KNTC1: variants seen among roughly 807,000 people sequenced by gnomAD.
KNTC1 encodes the protein kinetochore-associated protein 1.
Under a neutral mutation model 314.4 loss-of-function variants are expected in KNTC1, and 253 were observed. That is an observed-to-expected ratio of 0.80 (90% CI 0.73 to 0.89). The LOEUF (loss-of-function observed/expected upper bound fraction) is 0.89. KNTC1 is among the 40% of genes least tolerant of loss of function. The pLI is 0.00. For missense variants in KNTC1, 2,475 were observed against 2,572.9 expected (o/e 0.96, Z 0.82); for synonymous variants, 901 against 901.4 (o/e 1.00, Z 0.01).
At chr12:122,530,237 G>A (rs148937892) in intron 2 of KNTC1, 45 bp downstream of exon 2, 38,578 of 1,581,240 alleles carry the variant, frequency 0.024, 680 homozygotes, top group Middle Eastern at 0.032. Context: ...AATTTTTACT[G>A]AGTGCTTAGT....
intron 48 of KNTC1, among the ~76,000 whole-genome samples, chr12:122,604,272 G>C (rs982519490): frequency 1.3e-5 from 2 of 148,486 alleles, no homozygotes; most frequent in African/African-American, 5.0e-5. Flanking sequence ...TCAGCCTCTC[G>C]AGTAGCTGGG....
At chr12:122,601,207 C>T (rs11058904) in intron 44 of KNTC1, among the ~76,000 whole-genome samples, 30,150 of 151,956 alleles carry the variant, frequency 0.2, 3,436 homozygotes, top group East Asian at 0.46. Context: ...CTCAGCCTCC[C>T]GAGTAGCTGG....
At chr12:122,556,204 G>A (rs1963579940) in intron 16 of KNTC1, among the ~76,000 whole-genome samples, 1 of 151,076 alleles carries the variant, frequency 6.6e-6, no homozygotes, top group Admixed American at 6.6e-5. Context: ...TTTTAGTAGA[G>A]ACGGGGTTTT....
At chr12:122,562,046 G>T in intron 19 of KNTC1, 72 bp downstream of exon 19, 1 of 1,432,890 alleles carries the variant, frequency 7.0e-7, no homozygotes, top group South Asian at 1.3e-5. Context: ...ATTCAAAATA[G>T]ACCCGTATTT....
intron 59 of KNTC1, 136 bp from the exon 60 acceptor site, chr12:122,620,343 A>G: frequency 1.5e-6 from 1 of 671,108 alleles, no homozygotes; most frequent in Admixed American, 2.9e-5. Flanking sequence ...ATTCCTAAGC[A>G]TATGTCATGC....
chr12:122,583,229 G>T (rs1868704939), intron 34 of KNTC1, among the ~76,000 whole-genome samples: 1 of 150,474 alleles, frequency 6.6e-6, no homozygotes, highest in Admixed American at 6.6e-5. Flanking sequence ...GATCGTGGCG[G>T]GTTGCAGTGA....
chr12:122,582,675 G>C (rs760824776), intron 33 of KNTC1, 30 bp from the exon 34 acceptor site: 1 of 1,541,100 alleles, frequency 6.5e-7, no homozygotes, highest in Non-Finnish European at 8.8e-7. Context: ...AAACAGACTT[G>C]GGACTTTGTC....
intron 44 of KNTC1, among the ~76,000 whole-genome samples, chr12:122,598,720 G>A (rs1871402794): frequency 6.6e-6 from 1 of 151,936 alleles, no homozygotes; most frequent in Admixed American, 6.6e-5. Flanking sequence ...GAGGCCCAGT[G>A]AACCGTCATT....
chr12:122,577,607 G>T (rs1240965045), intron 30 of KNTC1, 65 bp from the exon 31 acceptor site: 1 of 1,475,658 alleles, frequency 6.8e-7, no homozygotes, highest in Non-Finnish European at 9.1e-7. Flanking sequence ...AAAAGAAAGA[G>T]GTAAGGCCAC....
chr12:122,566,635 C>G (rs1325176329), intron 20 of KNTC1, among the ~76,000 whole-genome samples: 2 of 152,002 alleles, frequency 1.3e-5, no homozygotes, highest in Non-Finnish European at 2.9e-5. Flanking sequence ...GTTTCAAACT[C>G]CTGACCTCAA....
chr12:122,625,820 A>ATTTTTTAT (rs1302241389), intron 63 of KNTC1, among the ~76,000 whole-genome samples: 4 of 151,996 alleles, frequency 2.6e-5, no homozygotes, highest in African/African-American at 7.2e-5. Flanking sequence ...TGGTAGCTTT[A>ATTTTTTAT]TTTTTTATTT....
At chr12:122,552,353 G>C (rs1185904690) in intron 16 of KNTC1, among the ~76,000 whole-genome samples, 1 of 152,008 alleles carries the variant, frequency 6.6e-6, no homozygotes, top group East Asian at 1.9e-4. Context: ...AGGTTATATG[G>C]GCAGCAGAGT....
chr12:122,615,065 A>G lies in KNTC1; in HGVS notation c.5952A>G (p.Gln1984=), dbSNP rs1873622497. The change falls in exon 56 of 64, where the codon CAA becomes CAG. Residue 1984 remains glutamine (Q), a synonymous_variant. Coordinates refer to ENST00000333479, the MANE Select transcript of KNTC1 (RefSeq NM_014708.6). ...TGCAGCTTTGGAATGGACTCTTGCA[A>G]AAGCTTCTGGGCTTCAATATGGTAA... ...YDLQLWNGLL[Q]KLLGFNMIPY... The G allele has an allele frequency of 6.2e-7, 1 of 1,612,824 alleles. No individual in the cohort carries two copies. The highest frequency in any genetic ancestry group is 1.7e-5 in the Admixed American group (1 of 59,938).
At chr12:122,549,943 C>A in intron 13 of KNTC1, 79 bp downstream of exon 13, 1 of 764,338 alleles carries the variant, frequency 1.3e-6, no homozygotes, top group Non-Finnish European at 2.1e-6. Flanking sequence ...TGATTAAAAG[C>A]CTTAATAATT....
chr12:122,615,493 A>G lies in KNTC1; in HGVS notation c.5997A>G (p.Leu1999=). Residue 1999 remains leucine (L), a synonymous_variant, in exon 57 of 64, where the codon TTA becomes TTG. Coordinates refer to ENST00000333479, the MANE Select transcript of KNTC1 (RefSeq NM_014708.6). ...AGATTCCTTATCTAAGGAAAGTTTT[A>G]AAAGCCATCTCCAGTATCCATTCTT... The part of the protein sequence containing the change: ...FNMIPYLRKV[L]KAISSIHSLW... 1 of 1,528,314 alleles carries G rather than the reference A, an allele frequency of 6.5e-7. No homozygotes were observed. Among genetic ancestry groups the G allele is most frequent in the East Asian group, 2.5e-5 (1 of 40,654 alleles). 94.7% of individuals were successfully genotyped at this position (1,528,314 alleles called of 1,614,324 possible).
Position 122,585,637 on chromosome 12 carries a change from C to G in KNTC1, c.3536C>G (p.Ala1179Gly), listed in dbSNP as rs1376668602. 1 of 1,613,704 alleles carries G rather than the reference C, an allele frequency of 6.2e-7. No homozygotes were observed. Among genetic ancestry groups the G allele is most frequent in the Non-Finnish European group, 8.5e-7 (1 of 1,179,776 alleles). ...QMDDCGILMKASFGTHKDPYE... is the reference protein window; with the variant it reads ...QMDDCGILMKGSFGTHKDPYE... ...TTTTTTGTATGATTTGGCACCTAGGCTTCTTTTGGGACACATAAAGATCCA... is the reference window on the plus strand; with the variant it reads ...TTTTTTGTATGATTTGGCACCTAGGGTTCTTTTGGGACACATAAAGATCCA... Residue 1179 changes from alanine to glycine, a missense_variant and splice_region_variant, in exon 37 of 64, where the codon GCT becomes GGT. Physicochemically the swap from Ala to Gly is moderately conservative, Grantham distance 60 (BLOSUM62 0). Transcript: ENST00000333479.
In KNTC1 at chr12:122,602,840, A is replaced by T. The variant is rs369840547; in HGVS notation, c.4837A>T (p.Ser1613Cys). The T allele has an allele frequency of 6.8e-6, 11 of 1,612,950 alleles. No homozygotes were observed. The highest frequency in any genetic ancestry group is 9.3e-6 in the Non-Finnish European group (11 of 1,179,116). ...TGTTTCCTTTCTAGCTACAGAACTC[A>T]GTGAAGAATCTTTCCCAACATTGCT... is the stretch of plus-strand genomic sequence containing the variant. ...NFWKILSTEL[S>C]EESFPTLLLI... The change falls in exon 47 of 64, where the codon AGT (serine) becomes TGT (cysteine). Residue 1613 changes from serine to cysteine, a missense_variant. By Grantham distance (112) the Ser-to-Cys change is moderately radical. Coordinates refer to ENST00000333479, the MANE Select transcript of KNTC1 (RefSeq NM_014708.6).
chr12:122,609,168 C>A (rs1286034806), intron 51 of KNTC1: 1 of 530,070 alleles, frequency 1.9e-6, no homozygotes, highest in Non-Finnish European at 3.3e-6. Context: ...TTGTGTCTAT[C>A]ATATAGTAAG....
intron 42 of KNTC1, among the ~76,000 whole-genome samples, chr12:122,592,325 T>G (rs1440779422): frequency 1.3e-5 from 2 of 152,204 alleles, no homozygotes; most frequent in Non-Finnish European, 2.9e-5. Flanking sequence ...TGGGTTCCTG[T>G]GCAGCCCGAG....
Sources: gnomAD v4.1 joint callset for allele counts (sites outside exome capture counted in the v4.1 genomes callset) on GRCh38, gnomAD v4.1.1 for gene constraint, MANE v1.5 for transcripts, NCBI Gene and HGNC (gene_info 2026-07-23, HGNC 2026-07-21) for gene names.